The following JAG2 variants were observed in gnomAD, a reference collection of about 807,000 sequenced individuals.
The protein encoded by JAG2 is protein jagged-2.
Under a neutral mutation model 141.7 loss-of-function variants are expected in JAG2, and 46 were observed. The observed-to-expected ratio is 0.32, with a 90% CI of 0.26 to 0.42. JAG2 has a LOEUF of 0.42. Among genes scored for constraint, JAG2 ranks in the 10% least tolerant of loss-of-function variants. The pLI is 1.00. For missense variants in JAG2, 1,500 were observed against 1,817.5 expected, an observed-to-expected ratio of 0.83 and a Z score of 3.18; for synonymous variants, 862 against 763.5, an observed-to-expected ratio of 1.13 and a Z score of -2.13.
rs773428860 is a variant in JAG2 at position 105,150,910 on chromosome 14, G to A, written c.1383C>T (p.Asn461=). The stretch of plus-strand genomic sequence containing the variant: ...GACACTGCCCGCGACAGTCGTTGAC[G>A]TCTGGGGGCAGAGGAGCAGGGTCAG... ...PGWKGINCHI[N]VNDCRGQCQH... is the part of the protein sequence containing the mutation. Residue 461 remains asparagine (N), a splice_region_variant and synonymous_variant, in exon 11 of 26, where the codon AAC becomes AAT. Coordinates refer to ENST00000331782, the MANE Select transcript of JAG2 (RefSeq NM_002226.5). The A allele has an allele frequency of 4.3e-5, 68 of 1,593,842 alleles. No individual in the cohort carries two copies. The Admixed American group carries it at 4.9e-4, about 12-fold the overall frequency.
rs1056602035 is a variant in JAG2 at position 105,156,090 on chromosome 14, G to A, written c.476-101C>T. Reference sequence around the variant, plus strand: ...GGGCAGAAGCCTGCGGCTGCTGCAAGGCCGGGGCACAGCAGGCAGCAGCAC... The same window carrying A: ...GGGCAGAAGCCTGCGGCTGCTGCAAAGCCGGGGCACAGCAGGCAGCAGCAC... On this transcript the variant is annotated intron_variant, in intron 3 of 25. Transcript: ENST00000331782. The A allele has an allele frequency of 1.2e-5, 17 of 1,455,126 alleles. No individual in the cohort carries two copies. The Admixed American group carries it at 1.4e-4, about 12-fold the overall frequency. The allele number at this position is 1,455,126 out of a possible 1,614,324, so 90.1% of individuals were successfully genotyped here.
Position 105,167,144 on chromosome 14 carries a change from C to T in JAG2, c.417+613G>A, listed in dbSNP as rs1888937059. Among the ~76,000 whole-genome samples, 1 of 152,088 alleles carries T rather than the reference C, an allele frequency of 6.6e-6. No homozygotes were observed. Among genetic ancestry groups the T allele is most frequent in the South Asian group, 2.1e-4 (1 of 4,826 alleles). On this transcript the variant is annotated intron_variant, in intron 2 of 25. Transcript: ENST00000331782. This position sits in a 1 kb window ranked among gnomAD's most constrained non-coding sequence, Gnocchi z 4.8. ...TTCTGCCCCTCCAGAATAACAAAACCAAAAAAACCCACAAACAGGGCAGTG... is the reference window on the plus strand; with the variant it reads ...TTCTGCCCCTCCAGAATAACAAAACTAAAAAAACCCACAAACAGGGCAGTG...
At chr14:105,164,615 C>A (rs1041940918) in intron 2 of JAG2, among the ~76,000 whole-genome samples, 2 of 152,236 alleles carry the variant, frequency 1.3e-5, no homozygotes, top group Non-Finnish European at 2.9e-5. Flanking sequence ...TAGCTCCAGG[C>A]ACAGACCTCA....
rs890689875 is a variant in JAG2 at position 105,167,145 on chromosome 14, A to C, written c.417+612T>G. On this transcript the variant is annotated intron_variant, in intron 2 of 25. Coordinates refer to ENST00000331782, the MANE Select transcript of JAG2 (RefSeq NM_002226.5). This position sits in a 1 kb window ranked among gnomAD's most constrained non-coding sequence, Gnocchi z 4.8. ...TCTGCCCCTCCAGAATAACAAAACC[A>C]AAAAAACCCACAAACAGGGCAGTGC... Among the ~76,000 whole-genome samples the C allele has an allele frequency of 1.2e-4, 19 of 152,134 alleles. No homozygotes were observed. Among genetic ancestry groups the C allele is most frequent in the African/African-American group, 4.3e-4 (18 of 41,436 alleles).
intron 24 of JAG2, among the ~76,000 whole-genome samples, chr14:105,144,650 G>A (rs1241463162): frequency 6.6e-6 from 1 of 152,214 alleles, no homozygotes; most frequent in Non-Finnish European, 1.5e-5. Flanking sequence ...GTGACGTAGG[G>A]ACACAGAGAC....
chr14:105,156,785 C>T (rs185765984), intron 3 of JAG2, among the ~76,000 whole-genome samples: 15 of 152,298 alleles, frequency 9.8e-5, no homozygotes, highest in South Asian at 4.1e-4. Flanking sequence ...CCTCTCCAGG[C>T]TCACGTTGTC....
Position 105,146,519 on chromosome 14 carries a change from C to T in JAG2, c.2594-19G>A, listed in dbSNP as rs1371594416. ...CCGATCACTGTGGGGAGAAGGGGCTCGAGGGTCAGCAGTGGGCATCTGGCC... is the reference window on the plus strand; with the variant it reads ...CCGATCACTGTGGGGAGAAGGGGCTTGAGGGTCAGCAGTGGGCATCTGGCC... On this transcript the variant is annotated intron_variant, in intron 21 of 25. Coordinates refer to ENST00000331782, the MANE Select transcript of JAG2 (RefSeq NM_002226.5). The T allele has an allele frequency of 1.1e-5, 17 of 1,610,778 alleles. No homozygotes were observed. Among genetic ancestry groups the T allele is most frequent in the East Asian group, 4.5e-5 (2 of 44,854 alleles).
At chr14:105,157,417 G>A (rs1888613692) in intron 3 of JAG2, among the ~76,000 whole-genome samples, 1 of 152,104 alleles carries the variant, frequency 6.6e-6, no homozygotes, top group Non-Finnish European at 1.5e-5. Context: ...CAAAGCCAGA[G>A]ACACACTCAA....
rs1402726653 is a variant in JAG2 at position 105,147,371 on chromosome 14, G to A, written c.2434C>T (p.Arg812Cys). 4 of 1,592,932 alleles carry A rather than the reference G, an allele frequency of 2.5e-6. No individual in the cohort carries two copies. Among genetic ancestry groups the A allele is most frequent in the Non-Finnish European group, 3.4e-6 (4 of 1,170,410 alleles). ...GICVDGVNWF[R>C]CECAPGFAGP... ...GCGAAGCCAGGTGCACACTCGCAGCGGAACCAGTTGACGCCGTCAACACAG... is the reference window on the plus strand; with the variant it reads ...GCGAAGCCAGGTGCACACTCGCAGCAGAACCAGTTGACGCCGTCAACACAG... Residue 812 changes from arginine (R) to cysteine (C), a missense_variant, in exon 20 of 26, where the codon CGC becomes TGC. Physicochemically the swap from Arg to Cys is radical, Grantham distance 180. This residue lies in a region of JAG2 where 875 missense variants were observed against 1,202.2 expected (regional missense o/e 0.73). Coordinates refer to ENST00000331782, the MANE Select transcript of JAG2 (RefSeq NM_002226.5).
At chr14:105,144,875 T>C in intron 24 of JAG2, 55 bp downstream of exon 24, 2 of 1,581,316 alleles carry the variant, frequency 1.3e-6, no homozygotes, top group African/African-American at 2.7e-5. Flanking sequence ...AGCCAGGACC[T>C]GCATAGTACG....
chr14:105,168,372 G>C lies in JAG2; in HGVS notation c.49C>G (p.Leu17Val). 1.2e-6 allele frequency: 1 copy of C among 839,004 alleles called. No homozygotes were observed. Among genetic ancestry groups the C allele is most frequent in the Non-Finnish European group, 1.5e-6 (1 of 670,314 alleles). 52.0% of individuals were successfully genotyped at this position (839,004 alleles called of 1,614,324 possible). A position where few individuals can be genotyped will look rare whatever the true frequency, so the allele number is the denominator to read the frequency against. Residue 17 changes from leucine to valine, a missense_variant, in exon 1 of 26, where the codon CTG (leucine) becomes GTG (valine). By Grantham distance (32) the Leu-to-Val change is conservative (BLOSUM62 1). Coordinates refer to ENST00000331782, the MANE Select transcript of JAG2 (RefSeq NM_002226.5). ...CCGCTCACCTGCACCCAGAGCGCCA[G>C]CAGCAGCAGCAGCCGCCGGGGAAGG... ...GRLPRRLLLL[L>V]ALWVQAARPM... is the part of the protein sequence containing the mutation.
chr14:105,144,103 G>A (rs1171847283), intron 24 of JAG2, among the ~76,000 whole-genome samples: 2 of 152,038 alleles, frequency 1.3e-5, no homozygotes, highest in East Asian at 3.9e-4. Flanking sequence ...TTGGGGAGGT[G>A]TGTGGCCCCA....
chr14:105,167,968 G>A lies in JAG2; in HGVS notation c.206C>T (p.Thr69Met). 6.2e-7 allele frequency: 1 copy of A among 1,604,278 alleles called. No individual in the cohort carries two copies. The highest frequency in any genetic ancestry group is 8.5e-7 in the Non-Finnish European group (1 of 1,177,954). ...CTCCTTAAGGCACACGCGCACGTAC[G>A]TGTCGCACTCGTCGTGGCCGCAGCC... The part of the protein sequence containing the change: ...AGGCGHDECD[T>M]YVRVCLKEYQ... Residue 69 changes from threonine (T) to methionine (M), a missense_variant, in exon 2 of 26, where the codon ACG becomes ATG. This residue lies in a region of JAG2 where 200 missense variants were observed against 174.3 expected (regional missense o/e 1.15). Coordinates refer to ENST00000331782, the MANE Select transcript of JAG2 (RefSeq NM_002226.5). This position sits in a 1 kb window ranked among gnomAD's most constrained non-coding sequence, Gnocchi z 4.8.
At chr14:105,166,986 G>A (rs1888931993) in intron 2 of JAG2, among the ~76,000 whole-genome samples, 1 of 152,120 alleles carries the variant, frequency 6.6e-6, no homozygotes, top group Non-Finnish European at 1.5e-5. Context: ...CTACCCACCT[G>A]CCAGCCCACT....
chr14:105,155,092 CA>C (rs1249869179), intron 5 of JAG2, among the ~76,000 whole-genome samples: 2 of 150,814 alleles, frequency 1.3e-5, no homozygotes, highest in Admixed American at 1.3e-4. Context: ...CCCTTCCACC[CA>C]CCTTGCCCAG....
chr14:105,158,923 C>A (rs1195815823), intron 2 of JAG2, among the ~76,000 whole-genome samples: 1 of 152,068 alleles, frequency 6.6e-6, no homozygotes, highest in African/African-American at 2.4e-5. Context: ...CCACACTTCC[C>A]CAGCAAGGCC....
intron 16 of JAG2, 45 bp downstream of exon 16, chr14:105,148,281 G>A (rs971480338): frequency 6.9e-6 from 11 of 1,588,056 alleles, no homozygotes; most frequent in South Asian, 1.1e-5. Flanking sequence ...CCAGGGCCAG[G>A]GTCCTGGGGG....
At position 105,149,085 on chromosome 14, in the gene JAG2, G is replaced by A. The variant is rs142004780; in HGVS notation, c.1758C>T (p.Ile586=). Reference sequence around the variant, plus strand: ...GCCCCGCGTCTGACCCGCAGCCATCGATCACTATGGCAGGCAGTACAGTCA... The same window carrying A: ...GCCCCGCGTCTGACCCGCAGCCATCAATCACTATGGCAGGCAGTACAGTCA... ...EPCPGGACRV[I]DGCGSDAGPG... Residue 586 remains isoleucine, a synonymous_variant, in exon 14 of 26, where the codon ATC becomes ATT. Coordinates refer to ENST00000331782, the MANE Select transcript of JAG2 (RefSeq NM_002226.5). The A allele has an allele frequency of 9.9e-6, 16 of 1,608,060 alleles. No homozygotes were observed. The highest frequency in any genetic ancestry group is 6.7e-5 in the East Asian group (3 of 44,690).
At position 105,146,402 on chromosome 14, in the gene JAG2, G is replaced by A. The variant is rs746879958; in HGVS notation, c.2692C>T (p.Arg898Cys). Residue 898 changes from arginine (R) to cysteine (C), a missense_variant, in exon 22 of 26, where the codon CGC becomes TGC. Coordinates refer to ENST00000331782, the MANE Select transcript of JAG2 (RefSeq NM_002226.5). ...DCNSCRCLDG[R>C]RDCSKVWCGW... ...GCCCTCACCTTGCTGCAGTCACGGC[G>A]GCCATCCAGGCAGCGGCAGCTGTTG... The A allele has an allele frequency of 2.8e-5, 45 of 1,612,584 alleles. No homozygotes were observed. Among genetic ancestry groups the A allele is most frequent in the Non-Finnish European group, 3.7e-5 (44 of 1,179,792 alleles).
Sources: gnomAD v4.1 joint callset for allele counts (sites outside exome capture counted in the v4.1 genomes callset) on GRCh38, gnomAD v4.1.1 for gene constraint, gnomAD v4.1.1 regional missense constraint, Gnocchi (gnomAD v3.1) non-coding constraint, MANE v1.5 for transcripts, NCBI Gene and HGNC (gene_info 2026-07-23, HGNC 2026-07-21) for gene names.